CDK19: variants seen among roughly 807,000 people sequenced by gnomAD.
CDK19 encodes cyclin dependent kinase 19.
Under a neutral mutation model 68.3 loss-of-function variants are expected in CDK19, and 20 were observed. The ratio of observed to expected loss-of-function variants is 0.29; its 90% CI spans 0.21 to 0.43. The LOEUF (loss-of-function observed/expected upper bound fraction) is 0.43, where lower values mean the gene tolerates loss of function less well. Among genes scored for constraint, CDK19 ranks in the 20% least tolerant of loss-of-function variants. The probability of loss-of-function intolerance (pLI) is 1.00; values close to 1 mark genes in which losing one functional copy is unlikely to be tolerated. For missense variants in CDK19, 339 were observed against 623.5 expected, an observed-to-expected ratio of 0.54 and a Z score of 4.86; for synonymous variants, 221 against 222.8, an observed-to-expected ratio of 0.99 and a Z score of 0.07.
intron 8 of CDK19, among the ~76,000 whole-genome samples, chr6:110,625,216 C>A (rs1779011178): frequency 6.6e-6 from 1 of 152,078 alleles, no homozygotes; most frequent in Non-Finnish European, 1.5e-5. Context: ...CAGTTCTCAC[C>A]CCTGATTCTG....
At chr6:110,651,244 T>TCTATCTATCTAC (rs1389210114) in intron 4 of CDK19, among the ~76,000 whole-genome samples, 5 of 151,548 alleles carry the variant, frequency 3.3e-5, no homozygotes, top group African/African-American at 1.2e-4. Flanking sequence ...TATCTATCTA[T>TCTATCTATCTAC]CTATCTATCT....
intron 2 of CDK19, among the ~76,000 whole-genome samples, chr6:110,707,202 C>T (rs944969895): frequency 2.6e-5 from 4 of 151,744 alleles, no homozygotes; most frequent in Non-Finnish European, 5.9e-5. Flanking sequence ...CAGGCGTAGT[C>T]ACACATGCCT....
intron 1 of CDK19, among the ~76,000 whole-genome samples, chr6:110,760,162 G>A (rs1213905686): frequency 2.6e-5 from 4 of 151,944 alleles, no homozygotes; most frequent in Admixed American, 6.6e-5. Context: ...TTGGGAGGCC[G>A]AGGCAGGCAG....
intron 1 of CDK19, among the ~76,000 whole-genome samples, chr6:110,785,779 G>A (rs1781170459): frequency 6.6e-6 from 1 of 152,084 alleles, no homozygotes; most frequent in African/African-American, 2.4e-5. Context: ...TTGGGAGTTG[G>A]CGACCAGCCT....
At chr6:110,624,513 C>A (rs1347457449) in intron 8 of CDK19, among the ~76,000 whole-genome samples, 2 of 151,962 alleles carry the variant, frequency 1.3e-5, no homozygotes, top group African/African-American at 2.4e-5. Flanking sequence ...GACAAAAAAA[C>A]CACTGACAAA....
At chr6:110,801,311 CCT>C (rs936539668) in intron 1 of CDK19, among the ~76,000 whole-genome samples, 2 of 151,928 alleles carry the variant, frequency 1.3e-5, no homozygotes, top group African/African-American at 4.8e-5. Flanking sequence ...ATAGTGAGAC[CCT>C]GTCTCCACAA....
chr6:110,662,799 T>G (rs1781697885), intron 4 of CDK19, among the ~76,000 whole-genome samples: 2 of 152,216 alleles, frequency 1.3e-5, no homozygotes, highest in South Asian at 4.1e-4. Context: ...GTTTACAAGT[T>G]CCAAATATTT....
chr6:110,666,307 T>A lies in CDK19; in HGVS notation c.456+1127A>T, dbSNP rs373607395. ...CCAGCATAGTGGTGGGTGCCTGTAA[T>A]CCCAGTTAATTGGGAGACTGAGGCA... On this transcript the variant is annotated intron_variant, in intron 4 of 12. Coordinates refer to ENST00000368911, the MANE Select transcript of CDK19 (RefSeq NM_015076.5). Among the ~76,000 whole-genome samples, 6 of 147,404 alleles carry A rather than the reference T, an allele frequency of 4.1e-5. No individual in the cohort carries two copies. In the South Asian group the frequency reaches 1.3e-3, roughly 32 times the overall value.
intron 1 of CDK19, among the ~76,000 whole-genome samples, chr6:110,789,660 T>G (rs1781462597): frequency 6.6e-6 from 1 of 152,192 alleles, no homozygotes; most frequent in African/African-American, 2.4e-5. Flanking sequence ...TTCTTCCAGC[T>G]TGGCCTCCCA....
chr6:110,646,914 G>C (rs1780630911), intron 4 of CDK19, among the ~76,000 whole-genome samples: 1 of 152,018 alleles, frequency 6.6e-6, no homozygotes, highest in Non-Finnish European at 1.5e-5. Flanking sequence ...CGGGCCGCGT[G>C]ACCGCCCGCC....
chr6:110,755,861 G>C (rs1250159112), intron 1 of CDK19, among the ~76,000 whole-genome samples: 3 of 152,116 alleles, frequency 2.0e-5, no homozygotes, highest in Non-Finnish European at 4.4e-5. Flanking sequence ...CAGAGGCAGG[G>C]GGATCAATGT....
At chr6:110,618,377 C>A (rs1778481731) in intron 12 of CDK19, among the ~76,000 whole-genome samples, 1 of 152,226 alleles carries the variant, frequency 6.6e-6, no homozygotes, top group Non-Finnish European at 1.5e-5. Context: ...AGGTGATCCA[C>A]CCGCCTCAGC....
intron 2 of CDK19, among the ~76,000 whole-genome samples, chr6:110,693,784 C>G (rs1002975158): frequency 4.6e-5 from 7 of 152,170 alleles, no homozygotes; most frequent in Non-Finnish European, 1.0e-4. Flanking sequence ...CTGCCCCTAC[C>G]TGATGGTTTT....
At chr6:110,662,878 C>G (rs1366967582) in intron 4 of CDK19, among the ~76,000 whole-genome samples, 1 of 152,130 alleles carries the variant, frequency 6.6e-6, no homozygotes. Flanking sequence ...TTCTCCTTTC[C>G]TTTTAAAGCA....
chr6:110,684,947 T>C (rs1772331296), intron 2 of CDK19, among the ~76,000 whole-genome samples: 1 of 152,180 alleles, frequency 6.6e-6, no homozygotes, highest in African/African-American at 2.4e-5. Flanking sequence ...GAGACCAGGC[T>C]GGCCAACATG....
chr6:110,666,093 C>G (rs991334779), intron 4 of CDK19, among the ~76,000 whole-genome samples: 1 of 135,702 alleles, frequency 7.4e-6, no homozygotes, highest in Non-Finnish European at 1.7e-5. Flanking sequence ...AAAGTGGACA[C>G]ATGGAAGCCT....
intron 2 of CDK19, among the ~76,000 whole-genome samples, chr6:110,675,627 C>CAA (rs57966061): frequency 0.13 from 7,084 of 55,388 alleles, 530 homozygotes; most frequent in East Asian, 0.29. Flanking sequence ...GACTCCATCT[C>CAA]AAAAAAAAAA....
intron 8 of CDK19, among the ~76,000 whole-genome samples, chr6:110,624,599 TTTG>T (rs1235751261): frequency 6.6e-6 from 1 of 152,230 alleles, no homozygotes; most frequent in African/African-American, 2.4e-5. Context: ...GAATTTTTGC[TTTG>T]TTTTTATAAA....
rs532975546 is a variant in CDK19, at chr6:110,646,298, G to C, written c.457-7592C>G. 2.0e-6 allele frequency: 3 copies of C among 1,502,166 alleles called. No homozygotes were observed. In the African/African-American group the frequency reaches 4.1e-5, roughly 21 times the overall value. The allele number at this position is 1,502,166 out of a possible 1,614,324, so 93.1% of individuals were successfully genotyped here. On this transcript the variant is annotated intron_variant, in intron 4 of 12. Coordinates refer to ENST00000368911, the MANE Select transcript of CDK19 (RefSeq NM_015076.5). ...GCCCCGCCAACATGTGCAAGCACAA[G>C]GTGCTCAGCGACTACCTGCGCGAAC...
Sources: gnomAD v4.1 joint callset for allele counts (sites outside exome capture counted in the v4.1 genomes callset) on GRCh38, gnomAD v4.1.1 for gene constraint, MANE v1.5 for transcripts, NCBI Gene and HGNC (gene_info 2026-07-23, HGNC 2026-07-21) for gene names.